KCNIP4: variants seen among roughly 807,000 people sequenced by gnomAD.
KCNIP4 encodes Kv channel-interacting protein 4.
Under a neutral mutation model 34.0 loss-of-function variants are expected in KCNIP4, and 12 were observed. The observed-to-expected ratio is 0.35, with a 90% CI of 0.23 to 0.57. The LOEUF (loss-of-function observed/expected upper bound fraction) is 0.57, where lower values mean the gene tolerates loss of function less well. Ranked by LOEUF, KCNIP4 falls within the 20% of genes least tolerant of loss-of-function variation. The pLI is 0.83. For synonymous variants in KCNIP4, 124 were observed against 102.2 expected, an observed-to-expected ratio of 1.21 and a Z score of -1.29; for missense variants, 238 against 311.7, an observed-to-expected ratio of 0.76 and a Z score of 1.78.
chr4:21,767,694 T>C (rs568497521), intron 1 of KCNIP4, among the ~76,000 whole-genome samples: 1 of 152,132 alleles, frequency 6.6e-6, no homozygotes, highest in African/African-American at 2.4e-5. Flanking sequence ...GTTAAATAAC[T>C]GTTTTTCTCT....
chr4:21,936,390 G>A (rs1001062433), intron 1 of KCNIP4, among the ~76,000 whole-genome samples: 5 of 152,084 alleles, frequency 3.3e-5, no homozygotes, highest in African/African-American at 1.2e-4. Flanking sequence ...CTTCTACCAT[G>A]ACGGTGAGGT....
intron 1 of KCNIP4, among the ~76,000 whole-genome samples, chr4:21,556,930 A>AAAAAAAAAAAAAAAACAAAAAAAAAAC (rs1553903108): frequency 9.2e-6 from 1 of 108,192 alleles, no homozygotes; most frequent in African/African-American, 3.2e-5. Context: ...CAGAAAAAAA[A>AAAAAAAAAAAAAAAACAAAAAAAAAAC]AAAAAAAAAA....
intron 1 of KCNIP4, among the ~76,000 whole-genome samples, chr4:21,222,273 T>C (rs540765731): frequency 6.6e-6 from 1 of 152,098 alleles, no homozygotes; most frequent in African/African-American, 2.4e-5. Flanking sequence ...AGCAGGATGT[T>C]CAGTAAAAAG....
At chr4:21,943,166 G>A (rs1730299204) in intron 1 of KCNIP4, among the ~76,000 whole-genome samples, 1 of 152,186 alleles carries the variant, frequency 6.6e-6, no homozygotes, top group African/African-American at 2.4e-5. Flanking sequence ...CAGAACATCT[G>A]CAAATGAGAC....
intron 1 of KCNIP4, among the ~76,000 whole-genome samples, chr4:21,020,913 T>C (rs538605595): frequency 2.6e-5 from 4 of 152,150 alleles, no homozygotes; most frequent in Non-Finnish European, 4.4e-5. Flanking sequence ...AGAATGAGAA[T>C]CTCTACAGAA....
At chr4:21,012,274 G>T (rs1268079021) in intron 1 of KCNIP4, among the ~76,000 whole-genome samples, 1 of 152,050 alleles carries the variant, frequency 6.6e-6, no homozygotes, top group Non-Finnish European at 1.5e-5. Flanking sequence ...ATAGTTTAGG[G>T]TTCAAGGTAA....
intron 6 of KCNIP4, 123 bp downstream of exon 6, chr4:20,734,505 C>G (rs1032423632): frequency 2.0e-6 from 1 of 511,880 alleles, no homozygotes; most frequent in African/African-American, 2.0e-5. Context: ...CTTTCTTCCA[C>G]TACATAAAAT....
chr4:20,858,462 A>G, intron 2 of KCNIP4, among the ~76,000 whole-genome samples: 1 of 152,174 alleles, frequency 6.6e-6, no homozygotes, highest in Admixed American at 6.5e-5. Context: ...CAACACTGAT[A>G]AAAGCAGGTC....
chr4:20,926,516 A>G (rs2149593741), intron 1 of KCNIP4, among the ~76,000 whole-genome samples: 1 of 152,332 alleles, frequency 6.6e-6, no homozygotes, highest in African/African-American at 2.4e-5. Flanking sequence ...AGCTGCATTC[A>G]TGAAGAGTGC....
chr4:20,840,088 A>G (rs570861968), intron 3 of KCNIP4, among the ~76,000 whole-genome samples: 1 of 152,292 alleles, frequency 6.6e-6, no homozygotes, highest in African/African-American at 2.4e-5. Context: ...GGTACATACT[A>G]AGTACTGAAC....
rs185177488 is a variant in KCNIP4, at chr4:21,460,084, C to T, written c.61+488487G>A. ...ACGATCTTGCAAAAACCTACAAGGC[C>T]TTGCAAAATCTGCCCCCCGCCCCCC... On this transcript the variant is annotated intron_variant, in intron 1 of 8. Coordinates refer to ENST00000382152, the MANE Select transcript of KCNIP4 (RefSeq NM_025221.6). Among the ~76,000 whole-genome samples the T allele has an allele frequency of 7.6e-4, 113 of 148,946 alleles. 1 individual carries two copies. In the East Asian group the frequency reaches 0.013, roughly 18 times the overall value.
At chr4:20,809,908 C>T (rs760410558) in intron 3 of KCNIP4, among the ~76,000 whole-genome samples, 5 of 152,282 alleles carry the variant, frequency 3.3e-5, no homozygotes, top group Admixed American at 3.3e-4. Context: ...AATGAGACAT[C>T]CAAAGGCTCC....
intron 1 of KCNIP4, among the ~76,000 whole-genome samples, chr4:21,080,504 A>G (rs1745909739): frequency 6.6e-6 from 1 of 151,868 alleles, no homozygotes; most frequent in Admixed American, 6.6e-5. Context: ...TGTGTTCGTT[A>G]TTATGCTTAC....
intron 1 of KCNIP4, among the ~76,000 whole-genome samples, chr4:21,772,271 G>A (rs2109193108): frequency 6.6e-6 from 1 of 152,322 alleles, no homozygotes; most frequent in African/African-American, 2.4e-5. Flanking sequence ...CAGGGATGAA[G>A]CTGACTTGAT....
chr4:21,795,395 T>C (rs922468740), intron 1 of KCNIP4, among the ~76,000 whole-genome samples: 5 of 152,194 alleles, frequency 3.3e-5, no homozygotes, highest in Non-Finnish European at 2.9e-5. Context: ...TATTTTGTTA[T>C]GGCAGCCCCA....
At chr4:21,776,342 TC>T (rs1216021250) in intron 1 of KCNIP4, among the ~76,000 whole-genome samples, 1 of 152,180 alleles carries the variant, frequency 6.6e-6, no homozygotes, top group Non-Finnish European at 1.5e-5. Context: ...GTTTTTTTTT[TC>T]GATGGGAGCC....
chr4:21,900,434 C>G lies in KCNIP4; in HGVS notation c.61+48137G>C, dbSNP rs375735653. Among the ~76,000 whole-genome samples the G allele has an allele frequency of 1.0e-3, 154 of 152,278 alleles. 1 individual carries two copies. The highest frequency in any genetic ancestry group is 3.7e-3 in the African/African-American group (152 of 41,566). On this transcript the variant is annotated intron_variant, in intron 1 of 8. Transcript: ENST00000382152. Reference sequence around the variant, plus strand: ...CCTGAATGAGTAATCCTCATCTTTGCCTGCCTTTACTTTAGCCAAGAGAAA... The same window carrying G: ...CCTGAATGAGTAATCCTCATCTTTGGCTGCCTTTACTTTAGCCAAGAGAAA...
intron 1 of KCNIP4, among the ~76,000 whole-genome samples, chr4:21,804,572 T>C (rs1335984505): frequency 6.6e-6 from 1 of 152,184 alleles, no homozygotes; most frequent in Non-Finnish European, 1.5e-5. Context: ...ACTCTTAGCA[T>C]CAGCTGCTTC....
chr4:21,043,352 C>T (rs550743930), intron 1 of KCNIP4, among the ~76,000 whole-genome samples: 13 of 152,198 alleles, frequency 8.5e-5, no homozygotes, highest in South Asian at 4.1e-4. Context: ...TTGTTTGAGA[C>T]GGAGTCTCAC....
Sources: gnomAD v4.1 joint callset for allele counts (sites outside exome capture counted in the v4.1 genomes callset) on GRCh38, gnomAD v4.1.1 for gene constraint, MANE v1.5 for transcripts, NCBI Gene and HGNC (gene_info 2026-07-23, HGNC 2026-07-21) for gene names.